Variants in ATRNL1 observed in about 807,000 individuals in gnomAD.
The protein encoded by ATRNL1 is attractin like 1, also known as attractin-like protein 1.
A neutral mutation model predicts 182.7 loss-of-function variants in ATRNL1; 95 were observed. The ratio of observed to expected loss-of-function variants is 0.52; its 90% CI spans 0.44 to 0.62. The LOEUF is 0.62. Ranked by LOEUF, ATRNL1 falls within the 20% of genes least tolerant of loss-of-function variation. ATRNL1 has a pLI of 0.00. For synonymous variants in ATRNL1, 576 were observed against 568.3 expected, an observed-to-expected ratio of 1.01 and a Z score of -0.19; for missense variants, 1,471 against 1,679.5, an observed-to-expected ratio of 0.88 and a Z score of 2.17.
intron 26 of ATRNL1, among the ~76,000 whole-genome samples, chr10:115,675,893 A>G (rs1238648616): frequency 6.6e-6 from 1 of 152,116 alleles, no homozygotes; most frequent in African/African-American, 2.4e-5. Context: ...CTAGTGAGCT[A>G]GAAAACAGTA....
At chr10:115,272,492 T>G (rs1367024133) in intron 13 of ATRNL1, among the ~76,000 whole-genome samples, 1 of 152,090 alleles carries the variant, frequency 6.6e-6, no homozygotes, top group African/African-American at 2.4e-5. Context: ...CTGGAAAAAA[T>G]TATTCCTTCC....
rs532398995 is a variant in ATRNL1, at chr10:115,347,847, A to G, written c.3175+13428A>G. Among the ~76,000 whole-genome samples the G allele has an allele frequency of 2.6e-5, 4 of 152,306 alleles. No homozygotes were observed. In the South Asian group the frequency reaches 8.3e-4, roughly 32 times the overall value. ...GTGTGTATATGTATACTATATATAT[A>G]TGTATATGTAATCTTTGTGGCTATG... is the stretch of plus-strand genomic sequence containing the variant. On this transcript the variant is annotated intron_variant, in intron 19 of 28. Coordinates refer to ENST00000355044, the MANE Select transcript of ATRNL1 (RefSeq NM_207303.4).
intron 26 of ATRNL1, among the ~76,000 whole-genome samples, chr10:115,651,653 G>A (rs1565250691): frequency 1.3e-5 from 2 of 152,120 alleles, no homozygotes; most frequent in Admixed American, 1.3e-4. Context: ...CAAGGCATTC[G>A]TGAAACTAAT....
At chr10:115,756,593 A>C (rs1305634552) in intron 27 of ATRNL1, among the ~76,000 whole-genome samples, 2 of 152,122 alleles carry the variant, frequency 1.3e-5, no homozygotes, top group East Asian at 3.9e-4. Context: ...TATGTGGTCA[A>C]TTTTAGAATA....
chr10:115,282,695 G>A lies in ATRNL1; in HGVS notation c.2233+1208G>A, dbSNP rs959110321. 2.6e-5 allele frequency among the ~76,000 whole-genome samples: 4 copies of A among 152,012 alleles called. No homozygotes were observed. In the South Asian group the frequency reaches 8.3e-4, roughly 31 times the overall value. ...ATAAACTGAGATCCATGCTGGTTAA[G>A]TGATATGCTCAAAATTATGTGACTT... On this transcript the variant is annotated intron_variant, in intron 14 of 28. Transcript: ENST00000355044.
At chr10:115,261,455 A>T (rs114240233) in intron 10 of ATRNL1, among the ~76,000 whole-genome samples, 185 of 152,286 alleles carry the variant, frequency 1.2e-3, no homozygotes, top group African/African-American at 4.2e-3. Flanking sequence ...CCTAGAGAGC[A>T]GTAAGTTCAG....
intron 1 of ATRNL1, among the ~76,000 whole-genome samples, chr10:115,108,578 C>T (rs1844124161): frequency 6.6e-6 from 1 of 152,126 alleles, no homozygotes; most frequent in South Asian, 2.1e-4. Context: ...GTTGCCCCAC[C>T]ATAATCTTCT....
At chr10:115,534,619 A>C (rs557147353) in intron 25 of ATRNL1, among the ~76,000 whole-genome samples, 1 of 152,054 alleles carries the variant, frequency 6.6e-6, no homozygotes, top group African/African-American at 2.4e-5. Flanking sequence ...TAAACTTAAT[A>C]TTGTTATGTG....
intron 26 of ATRNL1, among the ~76,000 whole-genome samples, chr10:115,647,980 T>A (rs1188616755): frequency 6.6e-6 from 1 of 152,198 alleles, no homozygotes. Flanking sequence ...GTATAAGCTG[T>A]AAGGAAGGGA....
At chr10:115,918,554 A>T (rs1555117975) in intron 28 of ATRNL1, among the ~76,000 whole-genome samples, 2 of 152,240 alleles carry the variant, frequency 1.3e-5, no homozygotes, top group Non-Finnish European at 2.9e-5. Context: ...AGAAATAATT[A>T]GAATTTTTAG....
intron 26 of ATRNL1, among the ~76,000 whole-genome samples, chr10:115,645,278 A>ATT (rs35379145): frequency 4.6e-5 from 7 of 150,688 alleles, no homozygotes; most frequent in African/African-American, 7.3e-5. Flanking sequence ...CCCATAACTC[A>ATT]TTTTTTTTAA....
At chr10:115,807,364 C>G (rs1555085888) in intron 27 of ATRNL1, among the ~76,000 whole-genome samples, 1 of 152,150 alleles carries the variant, frequency 6.6e-6, no homozygotes, top group Non-Finnish European at 1.5e-5. Context: ...AGTCCATCTG[C>G]CTCAGCCCCT....
chr10:115,777,058 G>A (rs896230745), intron 27 of ATRNL1, among the ~76,000 whole-genome samples: 1 of 152,120 alleles, frequency 6.6e-6, no homozygotes, highest in African/African-American at 2.4e-5. Context: ...AAAAGAAAAG[G>A]TGGATTAATA....
intron 26 of ATRNL1, among the ~76,000 whole-genome samples, chr10:115,557,927 C>T (rs1554997595): frequency 6.6e-6 from 1 of 151,882 alleles, no homozygotes; most frequent in Non-Finnish European, 1.5e-5. Flanking sequence ...CGCCTGTAGT[C>T]CCAAGTACTT....
intron 28 of ATRNL1, among the ~76,000 whole-genome samples, chr10:115,900,606 T>C (rs1285229597): frequency 3.9e-5 from 6 of 152,230 alleles, no homozygotes; most frequent in African/African-American, 1.2e-4. Context: ...ATGAGACAAG[T>C]AGTATTGTCA....
chr10:115,285,158 C>G (rs1177240401), intron 14 of ATRNL1, among the ~76,000 whole-genome samples: 7 of 152,072 alleles, frequency 4.6e-5, no homozygotes, highest in Non-Finnish European at 8.8e-5. Context: ...TGGAAGAGTG[C>G]ATTTATAGTG....
intron 26 of ATRNL1, among the ~76,000 whole-genome samples, chr10:115,630,747 A>G (rs1858432677): frequency 6.8e-6 from 1 of 147,594 alleles, no homozygotes; most frequent in Non-Finnish European, 1.5e-5. Context: ...ATCTATATTT[A>G]AGATATATAT....
chr10:115,349,580 GA>G (rs1339235628), intron 19 of ATRNL1, among the ~76,000 whole-genome samples: 2 of 152,102 alleles, frequency 1.3e-5, no homozygotes, highest in Non-Finnish European at 2.9e-5. Flanking sequence ...TTTACATCTT[GA>G]CCAACAGTGT....
chr10:115,122,376 T>G (rs1439823628), intron 3 of ATRNL1, among the ~76,000 whole-genome samples: 1 of 151,832 alleles, frequency 6.6e-6, no homozygotes, highest in African/African-American at 2.4e-5. Flanking sequence ...AAATCTTTTC[T>G]TGTGTATGTT....
Sources: gnomAD v4.1 joint callset for allele counts (sites outside exome capture counted in the v4.1 genomes callset) on GRCh38, gnomAD v4.1.1 for gene constraint, MANE v1.5 for transcripts, NCBI Gene and HGNC (gene_info 2026-07-23, HGNC 2026-07-21) for gene names.